Variants in LRP1 observed in about 807,000 individuals in gnomAD.
LRP1 encodes prolow-density lipoprotein receptor-related protein 1.
LRP1 carries 51 observed loss-of-function variants against 541.5 expected under a neutral mutation model. That is an observed-to-expected ratio of 0.09 (90% confidence interval 0.08 to 0.12). The LOEUF (loss-of-function observed/expected upper bound fraction) is 0.12, where lower values mean the gene tolerates loss of function less well. Among genes scored for constraint, LRP1 ranks in the 10% least tolerant of loss-of-function variants. The pLI, the probability that LRP1 is intolerant of heterozygous loss-of-function variation, is 1.00. For synonymous variants in LRP1, 2,219 were observed against 2,470.8 expected (o/e 0.90, Z 3.02); for missense variants, 3,878 against 6,376.2 (o/e 0.61, Z 13.34).
intron 41 of LRP1, among the ~76,000 whole-genome samples, chr12:57,186,685 C>T (rs889299887): frequency 2.0e-5 from 3 of 152,206 alleles, no homozygotes; most frequent in Non-Finnish European, 4.4e-5. Context: ...GAGACTGGCA[C>T]ATCAATCCCC....
In LRP1 at chr12:57,141,432, G is replaced by A. The variant is rs746969401; in HGVS notation, c.249G>A (p.Glu83=). The A allele has an allele frequency of 6.2e-7, 1 of 1,614,216 alleles. No individual in the cohort carries two copies. The highest frequency in any genetic ancestry group is 2.2e-5 in the East Asian group (1 of 44,886). The change falls in exon 3 of 89, where the codon GAG becomes GAA. Residue 83 remains glutamate (E), a synonymous_variant. Coordinates refer to ENST00000243077, the MANE Select transcript of LRP1 (RefSeq NM_002332.3). ...ACGAGCATAACTGCCTGGGTACTGA[G>A]CTGTGTGTTCCCATGTCCCGCCTCT... The part of the protein sequence containing the change: ...QPNEHNCLGT[E]LCVPMSRLCN...
At chr12:57,145,892 A>C (rs1161984934) in intron 6 of LRP1, among the ~76,000 whole-genome samples, 1 of 151,962 alleles carries the variant, frequency 6.6e-6, no homozygotes, top group Non-Finnish European at 1.5e-5. Flanking sequence ...AGGGTAAAGG[A>C]GCTGGGGCCC....
chr12:57,144,715 C>A (rs2035363876), intron 4 of LRP1: 1 of 518,482 alleles, frequency 1.9e-6, no homozygotes, highest in Admixed American at 3.2e-5. Flanking sequence ...GCACCCCTGG[C>A]ACCTGACCCA....
Position 57,205,439 on chromosome 12 carries a change from C to T in LRP1, c.11424C>T (p.Ala3808=), listed in dbSNP as rs559043041. 2.7e-5 allele frequency: 43 copies of T among 1,611,096 alleles called. No individual in the cohort carries two copies. The South Asian group carries it at 4.5e-4, about 17-fold the overall frequency. The stretch of plus-strand genomic sequence containing the variant: ...GCACCGAGAAAGCGGCCTACTGTGC[C>T]TGCCGCTCGGGCTTCCACACCGTGC... ...CVRTEKAAYC[A]CRSGFHTVPG... Residue 3808 remains alanine (A), a synonymous_variant, in exon 74 of 89, where the codon GCC becomes GCT. Coordinates refer to ENST00000243077, the MANE Select transcript of LRP1 (RefSeq NM_002332.3). This position sits in a 1 kb window ranked among gnomAD's most constrained non-coding sequence, Gnocchi z 4.6.
At chr12:57,143,649 T>G (rs758095655) in intron 3 of LRP1, 30 bp from the exon 4 acceptor site, 1 of 1,598,106 alleles carries the variant, frequency 6.3e-7, no homozygotes, top group South Asian at 1.1e-5. Context: ...TCTGGCGGCC[T>G]GAATATGTGT....
At position 57,179,255 on chromosome 12, in the gene LRP1, G is replaced by C; in HGVS notation, c.4739-74G>C. 1 of 1,297,184 alleles carries C rather than the reference G, an allele frequency of 7.7e-7. No individual in the cohort carries two copies. The highest frequency in any genetic ancestry group is 1.5e-5 in the African/African-American group (1 of 68,646). The allele number at this position is 1,297,184 out of a possible 1,614,324, so 80.4% of individuals were successfully genotyped here. A position where few individuals can be genotyped will look rare whatever the true frequency, so the allele number is the denominator to read the frequency against. On this transcript the variant is annotated intron_variant, in intron 28 of 88. Transcript: ENST00000243077. This position sits in a 1 kb window ranked among gnomAD's most constrained non-coding sequence, Gnocchi z 6.8. ...AGCAAACAGACGGATCCAGAAGAAG[G>C]CAGGGCCTGAAACCGGATTGGTGGG...
intron 1 of LRP1, among the ~76,000 whole-genome samples, chr12:57,138,206 C>G (rs990921368): frequency 1.3e-5 from 2 of 152,142 alleles, no homozygotes; most frequent in African/African-American, 4.8e-5. Context: ...CTCCCAGGAA[C>G]AGGCAGCCTA....
At chr12:57,171,282 T>C (rs547194057) in intron 20 of LRP1, among the ~76,000 whole-genome samples, 54 of 152,150 alleles carry the variant, frequency 3.5e-4, no homozygotes, top group African/African-American at 1.3e-3. Context: ...TTGTTAACTA[T>C]GGTATGAGCT....
Position 57,210,312 on chromosome 12 carries a change from C to G in LRP1, c.12586C>G (p.Arg4196Gly), listed in dbSNP as rs375059965. The G allele has an allele frequency of 6.4e-7, 1 of 1,553,658 alleles. No individual in the cohort carries two copies. Among genetic ancestry groups the G allele is most frequent in the Non-Finnish European group, 8.7e-7 (1 of 1,146,650 alleles). Reference protein sequence around the residue: ...PSPTPPPDAPRPGTCNLQCFN... With the variant: ...PSPTPPPDAPGPGTCNLQCFN... ...TTGACGGGCCCTTCCTGCAGCTCCC[C>G]GGCCTGGAACCTGTAACCTGCAGTG... is the stretch of plus-strand genomic sequence containing the variant. Residue 4196 changes from arginine (R) to glycine (G), a missense_variant, in exon 82 of 89, where the codon CGG (arginine) becomes GGG (glycine). This residue lies in a region of LRP1 where 871 missense variants were observed against 1,212.4 expected (regional missense o/e 0.72). Transcript: ENST00000243077.
At chr12:57,166,463 A>G in intron 17 of LRP1, 1 of 464,986 alleles carries the variant, frequency 2.2e-6, no homozygotes. Context: ...TGAGAGGCTG[A>G]GGTGGGAGGA....
intron 8 of LRP1, chr12:57,155,160 G>A (rs2035595232): frequency 3.7e-6 from 1 of 269,546 alleles, no homozygotes; most frequent in African/African-American, 2.2e-5. Flanking sequence ...GCCTAGGACT[G>A]TCCCAGTTTT....
intron 22 of LRP1, among the ~76,000 whole-genome samples, chr12:57,175,144 G>A (rs773727253): frequency 6.6e-6 from 1 of 152,136 alleles, no homozygotes; most frequent in Non-Finnish European, 1.5e-5. Flanking sequence ...CAAAAAGCTG[G>A]GGCCCCCGCC....
intron 1 of LRP1, among the ~76,000 whole-genome samples, chr12:57,130,759 AAGG>A (rs2035022508): frequency 6.6e-6 from 1 of 152,094 alleles, no homozygotes; most frequent in South Asian, 2.1e-4. Flanking sequence ...CAGGGCTCTA[AAGG>A]AGTTCTATTT....
At chr12:57,141,213 G>A (rs765273303) in intron 2 of LRP1, among the ~76,000 whole-genome samples, 161 bp from the exon 3 acceptor site, 1 of 152,140 alleles carries the variant, frequency 6.6e-6, no homozygotes, top group Non-Finnish European at 1.5e-5. Flanking sequence ...TGGCTACTGT[G>A]GGGAATATTG....
chr12:57,168,391 G>A, intron 19 of LRP1, among the ~76,000 whole-genome samples: 1 of 152,146 alleles, frequency 6.6e-6, no homozygotes, highest in East Asian at 1.9e-4. Context: ...GCAAATAGTG[G>A]TCAGGAAAGA....
chr12:57,194,694 A>T lies in LRP1; in HGVS notation c.8186A>T (p.His2729Leu). 6.4e-7 allele frequency: 1 copy of T among 1,562,962 alleles called. No homozygotes were observed. The highest frequency in any genetic ancestry group is 8.7e-7 in the Non-Finnish European group (1 of 1,153,670). ...DDCEHGEDET[H>L]CNKFCSEAQF... ...TGTGAACATGGCGAGGACGAGACCCACTGCAGTGAGTGACCACTGCACCCA... is the reference window on the plus strand; with the variant it reads ...TGTGAACATGGCGAGGACGAGACCCTCTGCAGTGAGTGACCACTGCACCCA... The change falls in exon 50 of 89, where the codon CAC (histidine) becomes CTC (leucine). Residue 2729 changes from histidine to leucine, a missense_variant. Physicochemically the swap from His to Leu is moderately conservative, Grantham distance 99. Coordinates refer to ENST00000243077, the MANE Select transcript of LRP1 (RefSeq NM_002332.3).
chr12:57,209,135 T>C lies in LRP1; in HGVS notation c.12198T>C (p.Leu4066=). 1 of 1,614,072 alleles carries C rather than the reference T, an allele frequency of 6.2e-7. No homozygotes were observed. Among genetic ancestry groups the C allele is most frequent in the Non-Finnish European group, 8.5e-7 (1 of 1,179,986 alleles). Reference sequence around the variant, plus strand: ...GGCTGTACTGGGCAGACGCCAAGCTTTCAGTCATCGGCAGCATCCGGCTCA... The same window carrying C: ...GGCTGTACTGGGCAGACGCCAAGCTCTCAGTCATCGGCAGCATCCGGCTCA... ...NERLYWADAK[L]SVIGSIRLNG... The change falls in exon 79 of 89, where the codon CTT becomes CTC. Residue 4066 remains leucine, a synonymous_variant. Coordinates refer to ENST00000243077, the MANE Select transcript of LRP1 (RefSeq NM_002332.3).
chr12:57,207,269 A>AATAC (rs1419465333), intron 76 of LRP1, among the ~76,000 whole-genome samples: 1 of 139,284 alleles, frequency 7.2e-6, no homozygotes, highest in Non-Finnish European at 1.5e-5. Flanking sequence ...TAAATAAATA[A>AATAC]ATAAATAAAT....
In LRP1 at chr12:57,149,971, C is replaced by T. The variant is rs2136669126; in HGVS notation, c.842-4237C>T. 9.1e-6 allele frequency: 5 copies of T among 547,602 alleles called. No individual in the cohort carries two copies. The East Asian group carries it at 1.2e-4, about 13-fold the overall frequency. The allele number at this position is 547,602 out of a possible 1,614,324, so 33.9% of individuals were successfully genotyped here. ...TGTCCCAAGGCCAGAGAGGCAGGAT[C>T]CTGGCAGTAGAAGAGAGGGGGAAAA... On this transcript the variant is annotated intron_variant, in intron 6 of 88. Transcript: ENST00000243077.
Sources: allele counts gnomAD v4.1 joint callset (sites outside exome capture counted in the v4.1 genomes callset), GRCh38; gene constraint gnomAD v4.1.1; regional missense constraint gnomAD v4.1.1; non-coding constraint Gnocchi (gnomAD v3.1); transcripts MANE v1.5; gene names NCBI Gene and HGNC (gene_info 2026-07-23, HGNC 2026-07-21).